Variants in RAB4A observed in about 807,000 individuals in gnomAD.
RAB4A encodes the protein ras-related protein Rab-4A.
A neutral mutation model predicts 34.5 loss-of-function variants in RAB4A; 20 were observed. The observed-to-expected ratio is 0.58, with a 90% CI of 0.41 to 0.84. The LOEUF is 0.84. RAB4A is among the 40% of genes least tolerant of loss of function. The probability of loss-of-function intolerance (pLI) is 0.00; values close to 1 mark genes in which losing one functional copy is unlikely to be tolerated. For missense variants in RAB4A, 228 were observed against 274.5 expected, an observed-to-expected ratio of 0.83 and a Z score of 1.20; for synonymous variants, 102 against 100.0, an observed-to-expected ratio of 1.02 and a Z score of -0.12.
chr1:229,294,260 G>C (rs1657175918), intron 3 of RAB4A, among the ~76,000 whole-genome samples: 1 of 152,210 alleles, frequency 6.6e-6, no homozygotes, highest in South Asian at 2.1e-4. Context: ...GACAAAATTT[G>C]AGTCGAATGT....
intron 6 of RAB4A, 104 bp downstream of exon 6, chr1:229,299,176 TTCTC>T: frequency 1.3e-6 from 1 of 797,334 alleles, no homozygotes; most frequent in South Asian, 2.0e-5. Flanking sequence ...GTAAAGAATG[TTCTC>T]TCTCTACCTG....
At chr1:229,287,124 A>G (rs1323883641) in intron 2 of RAB4A, among the ~76,000 whole-genome samples, 1 of 152,216 alleles carries the variant, frequency 6.6e-6, no homozygotes, top group African/African-American at 2.4e-5. Context: ...TTAAAACAAA[A>G]AATGCTTTTT....
Position 229,271,154 on chromosome 1 carries a change from C to G in RAB4A, c.-186C>G, listed in dbSNP as rs371875534. The stretch of plus-strand genomic sequence containing the variant: ...GCGGCCGGACGGAGGGTGGAGGGCC[C>G]TGCGCCTGCGCGGAGCTGGAGTCCG... On this transcript the variant is annotated 5_prime_UTR_variant, in exon 1 of 8. Transcript: ENST00000366690. The G allele has an allele frequency of 2.2e-6, 1 of 448,038 alleles. No individual in the cohort carries two copies. Among genetic ancestry groups the G allele is most frequent in the East Asian group, 4.0e-5 (1 of 24,932 alleles). 27.8% of individuals were successfully genotyped at this position (448,038 alleles called of 1,614,324 possible).
At chr1:229,301,417 T>C (rs1167849117) in intron 6 of RAB4A, among the ~76,000 whole-genome samples, 2 of 151,984 alleles carry the variant, frequency 1.3e-5, no homozygotes, top group Admixed American at 6.6e-5. Flanking sequence ...CATCTTTTTG[T>C]ATTTTTTTTT....
In RAB4A at chr1:229,271,265, T is replaced by C; in HGVS notation, c.-75T>C. 2.3e-6 allele frequency: 3 copies of C among 1,303,482 alleles called. No individual in the cohort carries two copies. The highest frequency in any genetic ancestry group is 2.9e-6 in the Non-Finnish European group (3 of 1,023,440). The allele number at this position is 1,303,482 out of a possible 1,614,324, so 80.7% of individuals were successfully genotyped here. ...CCTCCGGTCCCCCGCCCCAGGTCCT[T>C]CCCCACCGAGACGCGCCGGCGGACC... On this transcript the variant is annotated 5_prime_UTR_variant, in exon 1 of 8. Transcript: ENST00000366690.
At chr1:229,285,546 A>G (rs982061442) in intron 1 of RAB4A, among the ~76,000 whole-genome samples, 33 of 152,022 alleles carry the variant, frequency 2.2e-4, no homozygotes, top group African/African-American at 8.0e-4. Flanking sequence ...GACACTTTCA[A>G]AGCTACAAAC....
rs1558240682 is a variant in RAB4A at position 229,297,504 on chromosome 1, A to G, written c.313A>G (p.Thr105Ala). ...CAGCCGAGAAACCTACAATGCGCTT[A>G]CTAATTGGTTAACAGATGCCCGAAT... ...ITSRETYNAL[T>A]NWLTDARMLA... Residue 105 changes from threonine to alanine, a missense_variant, in exon 5 of 8, where the codon ACT becomes GCT. Physicochemically the swap from Thr to Ala is moderately conservative, Grantham distance 58. Transcript: ENST00000366690. The G allele has an allele frequency of 2.5e-6, 4 of 1,605,172 alleles. No individual in the cohort carries two copies. The East Asian group carries it at 6.7e-5, about 27-fold the overall frequency.
At chr1:229,293,397 C>T (rs1657146201) in intron 3 of RAB4A, among the ~76,000 whole-genome samples, 1 of 152,256 alleles carries the variant, frequency 6.6e-6, no homozygotes, top group African/African-American at 2.4e-5. Flanking sequence ...CCCACGGCCA[C>T]AGCCCCGATC....
rs1457368745 is a variant in RAB4A at position 229,271,291 on chromosome 1, G to A, written c.-49G>A. 3.0e-6 allele frequency: 4 copies of A among 1,326,758 alleles called. No individual in the cohort carries two copies. The highest frequency in any genetic ancestry group is 3.1e-5 in the African/African-American group (2 of 65,022). 82.2% of individuals were successfully genotyped at this position (1,326,758 alleles called of 1,614,324 possible). A position where few individuals can be genotyped will look rare whatever the true frequency, so the allele number is the denominator to read the frequency against. On this transcript the variant is annotated 5_prime_UTR_variant, in exon 1 of 8. Transcript: ENST00000366690. Reference sequence around the variant, plus strand: ...CCCCACCGAGACGCGCCGGCGGACCGCGGGCGAGTGCAGCCGGTGACCCGG... The same window carrying A: ...CCCCACCGAGACGCGCCGGCGGACCACGGGCGAGTGCAGCCGGTGACCCGG...
intron 1 of RAB4A, among the ~76,000 whole-genome samples, chr1:229,281,146 G>C (rs1413520461): frequency 6.6e-6 from 1 of 152,072 alleles, no homozygotes; most frequent in Non-Finnish European, 1.5e-5. Context: ...GAATGTCTAG[G>C]AGTGCAGTTT....
Position 229,305,363 on chromosome 1 carries a change from A to G in RAB4A, c.*1570A>G. The G allele has an allele frequency of 7.4e-7, 1 of 1,344,054 alleles. No individual in the cohort carries two copies. Among genetic ancestry groups the G allele is most frequent in the Non-Finnish European group, 1.0e-6 (1 of 998,942 alleles). The allele number at this position is 1,344,054 out of a possible 1,614,324, so 83.3% of individuals were successfully genotyped here. A position where few individuals can be genotyped will look rare whatever the true frequency, so the allele number is the denominator to read the frequency against. On this transcript the variant is annotated 3_prime_UTR_variant, in exon 8 of 8. Coordinates refer to ENST00000366690, the MANE Select transcript of RAB4A (RefSeq NM_004578.4). Reference sequence around the variant, plus strand: ...CATGGGATAGGAGCATGTCTATTCTAACACATCAGCTTATTCAAAAGCAAG... The same window carrying G: ...CATGGGATAGGAGCATGTCTATTCTGACACATCAGCTTATTCAAAAGCAAG...
intron 1 of RAB4A, among the ~76,000 whole-genome samples, chr1:229,278,066 T>C (rs1395828347): frequency 6.6e-6 from 1 of 152,156 alleles, no homozygotes; most frequent in Non-Finnish European, 1.5e-5. Flanking sequence ...GGTTTCACCA[T>C]GTTGGCCAGG....
chr1:229,272,774 T>G (rs148703503), intron 1 of RAB4A, among the ~76,000 whole-genome samples: 252 of 152,286 alleles, frequency 1.7e-3, no homozygotes, highest in Non-Finnish European at 3.0e-3. Context: ...TTGGAAGGGC[T>G]TCCATGCTGG....
Position 229,293,849 on chromosome 1 carries a change from C to T in RAB4A, c.228-1999C>T, listed in dbSNP as rs144741777. Among the ~76,000 whole-genome samples, 70 of 152,200 alleles carry T rather than the reference C, an allele frequency of 4.6e-4. No homozygotes were observed. The East Asian group carries it at 5.0e-3, about 11-fold the overall frequency. ...AAGCCAGCGGTGTGACGAGCCCAGA[C>T]GGGAGTGGCAGGGGCTGGGAGCAGG... On this transcript the variant is annotated intron_variant, in intron 3 of 7. Transcript: ENST00000366690.
At position 229,297,554 on chromosome 1, in the gene RAB4A, C is replaced by T; in HGVS notation, c.363C>T (p.Ile121=). 6.2e-7 allele frequency: 1 copy of T among 1,613,250 alleles called. No individual in the cohort carries two copies. The highest frequency in any genetic ancestry group is 8.5e-7 in the Non-Finnish European group (1 of 1,179,932). ...TGCTAGCGAGCCAGAACATTGTGAT[C>T]ATCCTTTGTGGAAACAAGAAGGACC... ...ARMLASQNIV[I]ILCGNKKDLD... The change falls in exon 5 of 8, where the codon ATC becomes ATT. Residue 121 remains isoleucine, a synonymous_variant. Transcript: ENST00000366690.
intron 3 of RAB4A, 103 bp from the exon 4 acceptor site, chr1:229,295,745 G>A (rs1256350512): frequency 9.9e-7 from 1 of 1,010,468 alleles, no homozygotes; most frequent in Non-Finnish European, 1.6e-6. Context: ...GTCTGTCCCT[G>A]TGTTGTGGTT....
chr1:229,302,177 A>G (rs1318085862), intron 6 of RAB4A, among the ~76,000 whole-genome samples: 1 of 147,226 alleles, frequency 6.8e-6, no homozygotes, highest in Admixed American at 6.9e-5. Flanking sequence ...ATGTGTTACC[A>G]TAATTCATGA....
intron 4 of RAB4A, among the ~76,000 whole-genome samples, chr1:229,296,353 C>T (rs780255363): frequency 1.3e-5 from 2 of 152,138 alleles, no homozygotes; most frequent in Non-Finnish European, 1.5e-5. Context: ...CTGCCTGGGC[C>T]TTAGTTTCCT....
At chr1:229,280,769 G>A (rs1424125942) in intron 1 of RAB4A, among the ~76,000 whole-genome samples, 2 of 152,110 alleles carry the variant, frequency 1.3e-5, no homozygotes, top group Non-Finnish European at 2.9e-5. Flanking sequence ...CCCTTTTATA[G>A]GCACAGACTT....
Sources: allele counts gnomAD v4.1 joint callset (sites outside exome capture counted in the v4.1 genomes callset), GRCh38; gene constraint gnomAD v4.1.1; transcripts MANE v1.5; gene names NCBI Gene and HGNC (gene_info 2026-07-23, HGNC 2026-07-21).